IGSF11: variants seen among roughly 807,000 people sequenced by gnomAD.
The protein encoded by IGSF11 is CXADR like 1.
In IGSF11, 22 loss-of-function variants were observed where a neutral mutation model predicts 41.0. The ratio of observed to expected loss-of-function variants is 0.54; its 90% confidence interval spans 0.38 to 0.77. IGSF11 has a LOEUF of 0.77. Ranked by LOEUF, IGSF11 falls within the 30% of genes least tolerant of loss-of-function variation. The probability of loss-of-function intolerance (pLI) is 0.00; values close to 1 mark genes in which losing one functional copy is unlikely to be tolerated. For missense variants in IGSF11, 444 were observed against 530.8 expected, an observed-to-expected ratio of 0.84 and a Z score of 1.61; for synonymous variants, 219 against 201.3, an observed-to-expected ratio of 1.09 and a Z score of -0.74.
At chr3:118,983,161 A>G (rs1272731284) in intron 1 of IGSF11, among the ~76,000 whole-genome samples, 4 of 152,242 alleles carry the variant, frequency 2.6e-5, no homozygotes, top group African/African-American at 4.8e-5. Context: ...CTCTGTCACA[A>G]TAAGATATTA....
chr3:119,049,230 A>C (rs1014795386), intron 1 of IGSF11, among the ~76,000 whole-genome samples: 2 of 151,548 alleles, frequency 1.3e-5, no homozygotes, highest in African/African-American at 4.8e-5. Flanking sequence ...AGATGACATG[A>C]TTGTATATCT....
intron 1 of IGSF11, among the ~76,000 whole-genome samples, chr3:118,940,921 A>C (rs1373434377): frequency 6.6e-6 from 1 of 151,062 alleles, no homozygotes; most frequent in Non-Finnish European, 1.5e-5. Flanking sequence ...AAAAAAAAAA[A>C]AAAACACCTC....
At chr3:119,005,531 G>A (rs371489482) in intron 1 of IGSF11, among the ~76,000 whole-genome samples, 15 of 141,270 alleles carry the variant, frequency 1.1e-4, no homozygotes, top group South Asian at 2.4e-4. Flanking sequence ...GATTTTGCTC[G>A]TTAGTTGATG....
chr3:119,082,747 C>T (rs2076604061), intron 1 of IGSF11, among the ~76,000 whole-genome samples: 1 of 152,108 alleles, frequency 6.6e-6, no homozygotes, highest in South Asian at 2.1e-4. Flanking sequence ...TATGTTCAAA[C>T]ATTTATAACA....
chr3:119,096,944 T>C (rs2076862326), intron 1 of IGSF11, among the ~76,000 whole-genome samples: 1 of 152,186 alleles, frequency 6.6e-6, no homozygotes, highest in South Asian at 2.1e-4. Flanking sequence ...AAAATTTTGT[T>C]ATAACGGCTC....
chr3:119,115,064 C>T (rs1378126884), intron 1 of IGSF11, among the ~76,000 whole-genome samples: 1 of 152,214 alleles, frequency 6.6e-6, no homozygotes, highest in African/African-American at 2.4e-5. Context: ...AGCCCATCCC[C>T]ATGGTTCAAT....
intron 1 of IGSF11, among the ~76,000 whole-genome samples, chr3:119,094,354 A>G (rs1315754909): frequency 6.6e-6 from 1 of 151,554 alleles, no homozygotes; most frequent in African/African-American, 2.4e-5. Flanking sequence ...ACTCCTATAA[A>G]CCACAACATA....
chr3:119,004,556 G>C (rs1168925544), intron 1 of IGSF11, among the ~76,000 whole-genome samples: 1 of 139,620 alleles, frequency 7.2e-6, no homozygotes, highest in Non-Finnish European at 1.5e-5. Context: ...TGTGATGTTA[G>C]GGTGTCAATT....
chr3:118,936,050 T>C (rs990415567), intron 1 of IGSF11, among the ~76,000 whole-genome samples: 1 of 152,122 alleles, frequency 6.6e-6, no homozygotes, highest in African/African-American at 2.4e-5. Flanking sequence ...ATAAAAAGTT[T>C]CTTAGAGTAA....
intron 1 of IGSF11, among the ~76,000 whole-genome samples, chr3:118,998,775 G>A (rs1936518873): frequency 6.6e-6 from 1 of 151,816 alleles, no homozygotes; most frequent in Non-Finnish European, 1.5e-5. Flanking sequence ...TTTAATCTAC[G>A]CTCATTCCCA....
At chr3:118,942,095 C>G (rs1275491830) in intron 1 of IGSF11, among the ~76,000 whole-genome samples, 1 of 152,070 alleles carries the variant, frequency 6.6e-6, no homozygotes, top group Non-Finnish European at 1.5e-5. Flanking sequence ...CAAAACATAG[C>G]AAACTATATA....
intron 1 of IGSF11, among the ~76,000 whole-genome samples, chr3:119,123,892 G>A (rs1291313155): frequency 1.3e-5 from 2 of 152,138 alleles, no homozygotes; most frequent in African/African-American, 4.8e-5. Flanking sequence ...AAAAGGATGG[G>A]TACAAATAAG....
chr3:118,985,483 T>C (rs1337216467), intron 1 of IGSF11, among the ~76,000 whole-genome samples: 1 of 152,212 alleles, frequency 6.6e-6, no homozygotes, highest in Non-Finnish European at 1.5e-5. Context: ...TTGACCTCTG[T>C]GAAGCCCCAG....
intron 4 of IGSF11, among the ~76,000 whole-genome samples, chr3:118,910,348 ATC>A (rs1328655787): frequency 6.6e-6 from 1 of 152,170 alleles, no homozygotes; most frequent in African/African-American, 2.4e-5. Flanking sequence ...CACAACAGGA[ATC>A]TGAGTTAACT....
chr3:119,078,831 A>T lies in IGSF11; in HGVS notation c.49+26313T>A, dbSNP rs188565754. 2.6e-5 allele frequency among the ~76,000 whole-genome samples: 4 copies of T among 152,350 alleles called. No homozygotes were observed. The East Asian group carries it at 7.7e-4, about 29-fold the overall frequency. ...CAAACTATGCATCCTACAATGGTCT[A>T]ATATCCAGAATCTATAGGGAATTTA... is the stretch of plus-strand genomic sequence containing the variant. On this transcript the variant is annotated intron_variant, in intron 1 of 6. Transcript: ENST00000354673.
intron 1 of IGSF11, among the ~76,000 whole-genome samples, chr3:119,044,975 C>T (rs1420494960): frequency 6.6e-6 from 1 of 152,114 alleles, no homozygotes; most frequent in Non-Finnish European, 1.5e-5. Context: ...CTCACAGGAC[C>T]TATAAAACAA....
At chr3:118,916,655 A>C (rs957800106) in intron 4 of IGSF11, among the ~76,000 whole-genome samples, 4 of 151,684 alleles carry the variant, frequency 2.6e-5, no homozygotes, top group Non-Finnish European at 4.4e-5. Context: ...AACATTAATA[A>C]TGGGAGACTT....
chr3:119,094,809 T>G (rs762048194), intron 1 of IGSF11, among the ~76,000 whole-genome samples: 1 of 151,844 alleles, frequency 6.6e-6, no homozygotes, highest in Non-Finnish European at 1.5e-5. Context: ...GTAGCTGGGA[T>G]TACAGGCTCC....
intron 1 of IGSF11, among the ~76,000 whole-genome samples, chr3:118,935,373 TATACACAC>T (rs1465895575): frequency 2.7e-5 from 3 of 112,948 alleles, no homozygotes; most frequent in African/African-American, 1.3e-4. Context: ...CCCTGAGATA[TATACACAC>T]ACACACACAC....
Sources: gnomAD v4.1 joint callset for allele counts (sites outside exome capture counted in the v4.1 genomes callset) on GRCh38, gnomAD v4.1.1 for gene constraint, MANE v1.5 for transcripts, NCBI Gene and HGNC (gene_info 2026-07-23, HGNC 2026-07-21) for gene names.